The following PGM1 variants were observed in gnomAD, a reference collection of about 807,000 sequenced individuals.
PGM1 encodes the protein phosphoglucomutase 1, also known as phosphoglucomutase-1.
Under a neutral mutation model 55.6 loss-of-function variants are expected in PGM1, and 52 were observed. The ratio of observed to expected loss-of-function variants is 0.94; its 90% CI spans 0.75 to 1.18. The LOEUF is 1.18. PGM1 is among the 50% of genes most tolerant of loss of function. The probability of loss-of-function intolerance (pLI) is 0.00; values close to 1 mark genes in which losing one functional copy is unlikely to be tolerated. For synonymous variants in PGM1, 287 were observed against 271.7 expected (o/e 1.06, Z -0.55); for missense variants, 724 against 729.3 (o/e 0.99, Z 0.08).
In PGM1 at chr1:63,638,711, T is replaced by C. The variant is rs756944856; in HGVS notation, c.1055T>C (p.Leu352Ser). 9.3e-6 allele frequency: 15 copies of C among 1,613,954 alleles called. No homozygotes were observed. In the South Asian group the frequency reaches 1.6e-4, roughly 18 times the overall value. Residue 352 changes from leucine to serine, a missense_variant, in exon 7 of 11, where the codon TTG becomes TCG. Physicochemically the swap from Leu to Ser is moderately radical, Grantham distance 145. This residue lies in a region of PGM1 where 316 missense variants were observed against 313.1 expected (regional missense o/e 1.01). Transcript: ENST00000371084. Reference protein sequence around the residue: ...DRVASATKIALYETPTGWKFF... With the variant: ...DRVASATKIASYETPTGWKFF... ...GTGGCTAGTGCTACAAAGATTGCTT[T>C]GTATGAGACCCCAACTGGCTGGAAG...
chr1:63,612,487 T>C (rs1035649454), intron 1 of PGM1, among the ~76,000 whole-genome samples: 2 of 152,236 alleles, frequency 1.3e-5, no homozygotes, highest in Non-Finnish European at 2.9e-5. Context: ...GGTTGTGTTG[T>C]ATCCTACTGC....
intron 10 of PGM1, chr1:63,656,113 A>G (rs563413374): frequency 5.9e-5 from 9 of 152,372 alleles, no homozygotes; most frequent in African/African-American, 2.2e-4. Context: ...GCCTGTTTAC[A>G]TAGCATTTGC....
At chr1:63,612,587 C>T (rs1648598899) in intron 1 of PGM1, among the ~76,000 whole-genome samples, 1 of 152,128 alleles carries the variant, frequency 6.6e-6, no homozygotes, top group African/African-American at 2.4e-5. Context: ...CTTACTCTCA[C>T]CACTTTTCTA....
At chr1:63,649,373 A>G (rs1434512293) in intron 8 of PGM1, among the ~76,000 whole-genome samples, 1 of 152,196 alleles carries the variant, frequency 6.6e-6, no homozygotes, top group Non-Finnish European at 1.5e-5. Flanking sequence ...AAAATTTTTG[A>G]CAGTAGTACT....
At position 63,659,947 on chromosome 1, in the gene PGM1, A is replaced by C; in HGVS notation, c.*272A>C. On this transcript the variant is annotated 3_prime_UTR_variant, in exon 11 of 11. Transcript: ENST00000371084. ...TGCGTGGGTATTTGTCTCCTTAGCC[A>C]TCAGGTACAGTTTACACTACAATGT... The C allele has an allele frequency of 1.8e-6, 1 of 560,822 alleles. No homozygotes were observed. Among genetic ancestry groups the C allele is most frequent in the Non-Finnish European group, 3.2e-6 (1 of 309,172 alleles). 34.7% of individuals were successfully genotyped at this position (560,822 alleles called of 1,614,324 possible).
intron 6 of PGM1, 152 bp downstream of exon 6, chr1:63,636,540 G>A: frequency 1.1e-6 from 1 of 877,582 alleles, no homozygotes. Context: ...GGGGATGGTT[G>A]GCTTTTTCTG....
chr1:63,626,083 G>C (rs1023969828), intron 1 of PGM1, among the ~76,000 whole-genome samples: 4 of 152,146 alleles, frequency 2.6e-5, no homozygotes, highest in Non-Finnish European at 5.9e-5. Flanking sequence ...CATTTTGGTG[G>C]GGAGGCGTGA....
Position 63,659,731 on chromosome 1 carries a change from G to T in PGM1, c.*56G>T. On this transcript the variant is annotated 3_prime_UTR_variant, in exon 11 of 11. Coordinates refer to ENST00000371084, the MANE Select transcript of PGM1 (RefSeq NM_002633.3). ...ACCCCCGGACCCATCCAAGTCATCT[G>T]ATTGAAGAGCATGACAGAAACAAAA... is the stretch of plus-strand genomic sequence containing the variant. The T allele has an allele frequency of 3.1e-6, 4 of 1,299,598 alleles. No homozygotes were observed. The highest frequency in any genetic ancestry group is 4.5e-6 in the Non-Finnish European group (4 of 893,258). 80.5% of individuals were successfully genotyped at this position (1,299,598 alleles called of 1,614,324 possible). A position where few individuals can be genotyped will look rare whatever the true frequency, so the allele number is the denominator to read the frequency against.
At chr1:63,629,125 G>A (rs142718501) in intron 1 of PGM1, among the ~76,000 whole-genome samples, 144 of 152,178 alleles carry the variant, frequency 9.5e-4, no homozygotes, top group African/African-American at 3.1e-3. Context: ...ATCTGGAAAG[G>A]CTCTTTTTAA....
intron 6 of PGM1, among the ~76,000 whole-genome samples, chr1:63,637,080 A>G (rs951185610): frequency 5.9e-5 from 9 of 152,230 alleles, no homozygotes; most frequent in Non-Finnish European, 1.2e-4. Context: ...TGTGCAGGAA[A>G]TGTTTGATGA....
rs779652878 is a variant in PGM1, at chr1:63,593,635, G to A, written c.147G>A (p.Pro49=). ...AGAGTATCATCTCCACCGTGGAGCC[G>A]GCGCAGCGGCAGGAGGCCACGCTGG... ...FIQSIISTVE[P]AQRQEATLVV... The change falls in exon 1 of 11, where the codon CCG becomes CCA. Residue 49 remains proline, a synonymous_variant. Transcript: ENST00000371084. 3.1e-6 allele frequency: 5 copies of A among 1,611,834 alleles called. No homozygotes were observed. Among genetic ancestry groups the A allele is most frequent in the East Asian group, 2.2e-5 (1 of 44,812 alleles).
intron 8 of PGM1, among the ~76,000 whole-genome samples, chr1:63,650,201 T>C (rs1482148724): frequency 1.3e-5 from 2 of 152,250 alleles, no homozygotes; most frequent in South Asian, 2.1e-4. Context: ...CTAGGCACTT[T>C]TGCATGCATT....
At position 63,628,496 on chromosome 1, in the gene PGM1, A is replaced by G. The variant is rs377563626; in HGVS notation, c.247-929A>G. On this transcript the variant is annotated intron_variant, in intron 1 of 10. Coordinates refer to ENST00000371084, the MANE Select transcript of PGM1 (RefSeq NM_002633.3). ...ATCTCACGGACATTTTCAACACTAG[A>G]AACACATCTTCCACCATCAAGTTGT... Among the ~76,000 whole-genome samples the G allele has an allele frequency of 1.9e-3, 288 of 152,330 alleles. 1 individual carries two copies. Among genetic ancestry groups the G allele is most frequent in the Middle Eastern group, 0.014 (4 of 294 alleles).
chr1:63,616,716 T>G (rs1231376329), intron 1 of PGM1, among the ~76,000 whole-genome samples: 3 of 152,202 alleles, frequency 2.0e-5, no homozygotes, highest in Non-Finnish European at 4.4e-5. Context: ...GCTGTTATGT[T>G]TGTTTTTATT....
chr1:63,599,400 A>G (rs860611), intron 1 of PGM1, among the ~76,000 whole-genome samples: 115,386 of 151,790 alleles, frequency 0.76, 44,466 homozygotes, highest in African/African-American at 0.87. Flanking sequence ...TCTTGACCTC[A>G]TCATCCGCCC....
intron 1 of PGM1, among the ~76,000 whole-genome samples, chr1:63,610,588 G>A (rs1052621092): frequency 6.6e-6 from 1 of 152,108 alleles, no homozygotes; most frequent in Non-Finnish European, 1.5e-5. Flanking sequence ...TATGTTGGGG[G>A]TTTTGATGGG....
chr1:63,601,773 T>G (rs1163943398), intron 1 of PGM1, among the ~76,000 whole-genome samples: 3 of 152,204 alleles, frequency 2.0e-5, no homozygotes, highest in Non-Finnish European at 4.4e-5. Context: ...AGCTGGGTTT[T>G]GTTTTGTTTA....
chr1:63,629,313 A>G, intron 1 of PGM1, 112 bp from the exon 2 acceptor site: 1 of 889,154 alleles, frequency 1.1e-6, no homozygotes. Flanking sequence ...CTTGTCCAAC[A>G]GATTATTACT....
At chr1:63,650,569 C>T (rs1390822530) in intron 8 of PGM1, among the ~76,000 whole-genome samples, 1 of 152,210 alleles carries the variant, frequency 6.6e-6, no homozygotes, top group East Asian at 1.9e-4. Flanking sequence ...CAGCATTTCT[C>T]ATGTCTCAGA....
Sources: gnomAD v4.1 joint callset for allele counts (sites outside exome capture counted in the v4.1 genomes callset) on GRCh38, gnomAD v4.1.1 for gene constraint, gnomAD v4.1.1 regional missense constraint, MANE v1.5 for transcripts, NCBI Gene and HGNC (gene_info 2026-07-23, HGNC 2026-07-21) for gene names.